Variants in TBC1D19 observed in about 807,000 individuals in gnomAD.
TBC1D19 encodes TBC1 domain family member 19, also known as TBC1 domain family, member 19.
Under a neutral mutation model 89.0 loss-of-function variants are expected in TBC1D19, and 60 were observed. The ratio of observed to expected loss-of-function variants is 0.67; its 90% CI spans 0.55 to 0.84. TBC1D19 has a LOEUF of 0.84. Ranked by LOEUF, TBC1D19 falls within the 40% of genes least tolerant of loss-of-function variation. The pLI is 0.00. For synonymous variants in TBC1D19, 189 were observed against 199.7 expected, an observed-to-expected ratio of 0.95 and a Z score of 0.45; for missense variants, 500 against 610.8, an observed-to-expected ratio of 0.82 and a Z score of 1.91.
downstream of TBC1D19, among the ~76,000 whole-genome samples, chr4:26,759,451 T>A (rs1356773271): frequency 6.6e-6 from 1 of 152,220 alleles, no homozygotes; most frequent in Non-Finnish European, 1.5e-5. Flanking sequence ...TTATTAAGTA[T>A]AATTTATGTA....
intron 15 of TBC1D19, among the ~76,000 whole-genome samples, chr4:26,728,497 G>A (rs1717452289): frequency 6.6e-6 from 1 of 152,050 alleles, no homozygotes; most frequent in African/African-American, 2.4e-5. Context: ...ACATGAAACA[G>A]CAGAGGCAGT....
chr4:26,717,142 TC>T (rs1177423328), intron 13 of TBC1D19, among the ~76,000 whole-genome samples: 2 of 152,082 alleles, frequency 1.3e-5, no homozygotes, highest in Admixed American at 1.3e-4. Flanking sequence ...ATTTTTCCTC[TC>T]CCTTCACTCT....
At chr4:26,601,719 T>C (rs1740620475) in intron 1 of TBC1D19, among the ~76,000 whole-genome samples, 1 of 152,234 alleles carries the variant, frequency 6.6e-6, no homozygotes, top group Non-Finnish European at 1.5e-5. Context: ...AACATTAATC[T>C]GACACAGATG....
the TBC1D19 span, among the ~76,000 whole-genome samples, chr4:26,767,772 G>A: frequency 6.6e-6 from 1 of 152,166 alleles, no homozygotes; most frequent in Non-Finnish European, 1.5e-5. Flanking sequence ...GGAGTAACCA[G>A]AATCAAATTT....
intron 13 of TBC1D19, among the ~76,000 whole-genome samples, chr4:26,693,408 G>T (rs1714470067): frequency 1.3e-5 from 2 of 152,192 alleles, no homozygotes; most frequent in African/African-American, 4.8e-5. Context: ...AAAAAGTAAA[G>T]TAAGGCCAGA....
the TBC1D19 span, among the ~76,000 whole-genome samples, chr4:26,835,465 G>C: frequency 6.6e-6 from 1 of 152,166 alleles, no homozygotes; most frequent in Admixed American, 6.5e-5. Flanking sequence ...AATAAGAAAT[G>C]AGTACACTTC....
At chr4:26,697,305 C>G (rs977583625) in intron 13 of TBC1D19, among the ~76,000 whole-genome samples, 9 of 150,494 alleles carry the variant, frequency 6.0e-5, no homozygotes, top group African/African-American at 1.7e-4. Flanking sequence ...AGGAGAGATT[C>G]AACCAGGAAG....
the TBC1D19 span, among the ~76,000 whole-genome samples, chr4:26,801,491 G>T: frequency 6.6e-6 from 1 of 152,102 alleles, no homozygotes; most frequent in African/African-American, 2.4e-5. Flanking sequence ...GGTGATGCGG[G>T]CTCTTTTTTG....
At chr4:26,838,085 A>G in the TBC1D19 span, among the ~76,000 whole-genome samples, 1 of 152,262 alleles carries the variant, frequency 6.6e-6, no homozygotes, top group African/African-American at 2.4e-5. Flanking sequence ...GAAACAAGGC[A>G]ATGAGAATGG....
At chr4:26,832,011 C>T in the TBC1D19 span, among the ~76,000 whole-genome samples, 7 of 152,148 alleles carry the variant, frequency 4.6e-5, no homozygotes, top group South Asian at 8.3e-4. Flanking sequence ...AATACCTGAT[C>T]GTATTGTCCT....
At chr4:26,774,393 C>T in the TBC1D19 span, among the ~76,000 whole-genome samples, 13 of 152,292 alleles carry the variant, frequency 8.5e-5, no homozygotes, top group East Asian at 3.9e-4. Flanking sequence ...AAGTCTAATC[C>T]GTTTAATAAT....
chr4:26,629,511 A>G (rs1742657089), intron 4 of TBC1D19, among the ~76,000 whole-genome samples: 1 of 152,110 alleles, frequency 6.6e-6, no homozygotes, highest in African/African-American at 2.4e-5. Context: ...TTTTAAAAAA[A>G]TTATGAATGA....
At chr4:26,748,751 C>T (rs1266349530) in intron 19 of TBC1D19, among the ~76,000 whole-genome samples, 2 of 152,182 alleles carry the variant, frequency 1.3e-5, no homozygotes, top group Non-Finnish European at 2.9e-5. Flanking sequence ...TTCCCAGCTC[C>T]CAGGAAAGTT....
intron 10 of TBC1D19, among the ~76,000 whole-genome samples, chr4:26,672,453 G>A (rs1712403831): frequency 6.6e-6 from 1 of 151,966 alleles, no homozygotes; most frequent in Non-Finnish European, 1.5e-5. Context: ...CCTCAGGGAT[G>A]TTAGCTTAAT....
chr4:26,805,253 G>A, the TBC1D19 span, among the ~76,000 whole-genome samples: 1 of 152,214 alleles, frequency 6.6e-6, no homozygotes, highest in Non-Finnish European at 1.5e-5. Context: ...TGAAACTACG[G>A]ATTCCTGGAC....
intron 2 of TBC1D19, among the ~76,000 whole-genome samples, chr4:26,613,985 A>G (rs191183007): frequency 3.3e-5 from 5 of 152,318 alleles, no homozygotes; most frequent in Admixed American, 3.3e-4. Context: ...TCTGTCGTCC[A>G]GGACTTTGCT....
chr4:26,847,188 T>A, the TBC1D19 span, among the ~76,000 whole-genome samples: 1 of 152,188 alleles, frequency 6.6e-6, no homozygotes. Context: ...GGGGATAAAA[T>A]GCCTACCTTG....
At chr4:26,698,699 A>G (rs1715034444) in intron 13 of TBC1D19, among the ~76,000 whole-genome samples, 1 of 152,206 alleles carries the variant, frequency 6.6e-6, no homozygotes, top group African/African-American at 2.4e-5. Context: ...AGCCCTCAGA[A>G]ATAATACTAC....
chr4:26,666,505 GA>G (rs1318272432), intron 9 of TBC1D19, 100 bp downstream of exon 9: 3 of 952,080 alleles, frequency 3.2e-6, no homozygotes, highest in East Asian at 5.0e-5. Flanking sequence ...TTTTATATCT[GA>G]AAACTAAGCA....
Sources: gnomAD v4.1 joint callset for allele counts (sites outside exome capture counted in the v4.1 genomes callset) on GRCh38, gnomAD v4.1.1 for gene constraint, MANE v1.5 for transcripts, NCBI Gene and HGNC (gene_info 2026-07-23, HGNC 2026-07-21) for gene names.